Variants in SASH1 observed in about 807,000 individuals in gnomAD.
SASH1 encodes SAM and SH3 domain containing 1.
Under a neutral mutation model 125.2 loss-of-function variants are expected in SASH1, and 44 were observed. The ratio of observed to expected loss-of-function variants is 0.35; its 90% CI spans 0.28 to 0.45. The LOEUF (loss-of-function observed/expected upper bound fraction) is 0.45, where lower values mean the gene tolerates loss of function less well. Ranked by LOEUF, SASH1 falls within the 20% of genes least tolerant of loss-of-function variation. SASH1 has a pLI of 1.00. For synonymous variants in SASH1, 639 were observed against 649.1 expected (o/e 0.98, Z 0.24); for missense variants, 1,426 against 1,614.5 (o/e 0.88, Z 2.00).
chr6:148,362,942 A>C (rs1782295227), intron 1 of SASH1, among the ~76,000 whole-genome samples: 1 of 152,334 alleles, frequency 6.6e-6, no homozygotes, highest in Middle Eastern at 3.4e-3. Flanking sequence ...CTCAACTGCT[A>C]CCTATCCCAA....
At chr6:148,296,935 A>C (rs1260792609) in intron 1 of SASH1, among the ~76,000 whole-genome samples, 1 of 152,230 alleles carries the variant, frequency 6.6e-6, no homozygotes, top group Non-Finnish European at 1.5e-5. Flanking sequence ...GTGAAAGCAA[A>C]GGCCAAGAGC....
intron 8 of SASH1, among the ~76,000 whole-genome samples, chr6:148,500,179 G>A (rs1779503276): frequency 6.6e-6 from 1 of 151,116 alleles, no homozygotes; most frequent in Non-Finnish European, 1.5e-5. Context: ...TGATATTGAG[G>A]GTTATGTTTT....
upstream of SASH1, among the ~76,000 whole-genome samples, chr6:148,340,462 G>A (rs1781287208): frequency 1.3e-5 from 2 of 148,544 alleles, no homozygotes; most frequent in South Asian, 2.1e-4. Context: ...CAGCCTGGGC[G>A]ACAGGGTGAC....
intron 2 of SASH1, among the ~76,000 whole-genome samples, chr6:148,398,440 A>G (rs2114858584): frequency 6.6e-6 from 1 of 152,282 alleles, no homozygotes; most frequent in African/African-American, 2.4e-5. Context: ...CCTGTTGTAC[A>G]TTTGAGCTTC....
chr6:148,267,938 T>C (rs899717299), upstream of SASH1, among the ~76,000 whole-genome samples: 3 of 152,180 alleles, frequency 2.0e-5, no homozygotes, highest in Non-Finnish European at 4.4e-5. Flanking sequence ...TTGTTTAAAG[T>C]CTTCACCCTT....
chr6:148,363,834 G>C (rs1016518011), intron 1 of SASH1, among the ~76,000 whole-genome samples: 4 of 152,244 alleles, frequency 2.6e-5, no homozygotes, highest in Non-Finnish European at 4.4e-5. Context: ...CTGGATTGCT[G>C]AGGGTTAGCA....
At chr6:148,219,269 C>T in the SASH1 span, among the ~76,000 whole-genome samples, 2 of 152,178 alleles carry the variant, frequency 1.3e-5, no homozygotes, top group Non-Finnish European at 2.9e-5. Flanking sequence ...TTCTGCTTTC[C>T]CTTCTTTTTA....
At chr6:148,221,902 C>G in the SASH1 span, among the ~76,000 whole-genome samples, 1 of 152,244 alleles carries the variant, frequency 6.6e-6, no homozygotes, top group Admixed American at 6.5e-5. Context: ...TTCTTTACTT[C>G]TCACTCTTCC....
intron 8 of SASH1, among the ~76,000 whole-genome samples, chr6:148,496,113 G>C (rs529984482): frequency 1.3e-5 from 2 of 152,022 alleles, no homozygotes; most frequent in African/African-American, 2.4e-5. Flanking sequence ...CTCCCAAAGT[G>C]CTGGAATTAT....
intron 2 of SASH1, among the ~76,000 whole-genome samples, chr6:148,400,128 G>GC (rs1784114861): frequency 6.6e-6 from 1 of 152,218 alleles, no homozygotes; most frequent in Admixed American, 6.5e-5. Flanking sequence ...GGCCCTCAGA[G>GC]TGGGTTTCTG....
chr6:148,221,630 T>A, the SASH1 span, among the ~76,000 whole-genome samples: 1 of 152,226 alleles, frequency 6.6e-6, no homozygotes, highest in Non-Finnish European at 1.5e-5. Context: ...TGCCTGTAAC[T>A]TCCAAGGCTG....
chr6:148,489,311 T>C (rs559502477), intron 8 of SASH1, among the ~76,000 whole-genome samples: 1 of 152,338 alleles, frequency 6.6e-6, no homozygotes, highest in South Asian at 2.1e-4. Flanking sequence ...GCTCTCTATT[T>C]TATTCCATTG....
At chr6:148,534,199 G>A (rs538442169) in intron 15 of SASH1, among the ~76,000 whole-genome samples, 7 of 152,258 alleles carry the variant, frequency 4.6e-5, no homozygotes, top group Middle Eastern at 3.4e-3. Context: ...GGGTGATAGC[G>A]TAAGCCCCGG....
intron 10 of SASH1, among the ~76,000 whole-genome samples, chr6:148,523,693 G>C (rs1780952550): frequency 6.6e-6 from 1 of 152,052 alleles, no homozygotes; most frequent in Non-Finnish European, 1.5e-5. Context: ...CCCATTCCTG[G>C]TATGCTCTGA....
the SASH1 span, among the ~76,000 whole-genome samples, chr6:148,219,707 G>T: frequency 6.6e-6 from 1 of 152,100 alleles, no homozygotes; most frequent in Non-Finnish European, 1.5e-5. Context: ...CTGCTATCTG[G>T]TCCATGCCTG....
At chr6:148,355,147 G>A (rs1781880332) in intron 1 of SASH1, among the ~76,000 whole-genome samples, 1 of 152,174 alleles carries the variant, frequency 6.6e-6, no homozygotes. Flanking sequence ...CTTTGGGAAA[G>A]TCTGTAAAGA....
intron 8 of SASH1, chr6:148,508,338 A>T (rs1147864): frequency 2.4e-4 from 74 of 311,078 alleles, no homozygotes; most frequent in Non-Finnish European, 1.2e-4. Flanking sequence ...AGAATGTCTG[A>T]AAAAGAGATC....
chr6:148,261,564 C>T, the SASH1 span, among the ~76,000 whole-genome samples: 10 of 152,120 alleles, frequency 6.6e-5, no homozygotes, highest in African/African-American at 1.2e-4. Context: ...ATACAGGTGG[C>T]GGACACAAAT....
chr6:148,421,170 AAAGAAAGAAAG>A (rs1785068307), intron 2 of SASH1, among the ~76,000 whole-genome samples: 2 of 128,052 alleles, frequency 1.6e-5, no homozygotes, highest in African/African-American at 2.7e-5. Flanking sequence ...AGAAAGAAAG[AAAGAAAGAAAG>A]AAAGAAAGAA....
Sources: allele counts gnomAD v4.1 joint callset (sites outside exome capture counted in the v4.1 genomes callset), GRCh38; gene constraint gnomAD v4.1.1; transcripts MANE v1.5; gene names NCBI Gene and HGNC (gene_info 2026-07-23, HGNC 2026-07-21).